PLCZ1: variants seen among roughly 807,000 people sequenced by gnomAD.
PLCZ1 encodes the protein phospholipase C zeta 1, also known as 1-phosphatidylinositol 4,5-bisphosphate phosphodiesterase zeta-1.
A neutral mutation model predicts 76.8 loss-of-function variants in PLCZ1; 64 were observed. The observed-to-expected ratio is 0.83, with a 90% confidence interval of 0.68 to 1.03. The LOEUF is 1.03. Ranked by LOEUF, PLCZ1 falls within the 50% of genes least tolerant of loss-of-function variation. PLCZ1 has a pLI of 0.00. For synonymous variants in PLCZ1, 248 were observed against 230.8 expected, an observed-to-expected ratio of 1.07 and a Z score of -0.68; for missense variants, 751 against 713.7, an observed-to-expected ratio of 1.05 and a Z score of -0.60.
intron 4 of PLCZ1, among the ~76,000 whole-genome samples, chr12:18,722,675 T>C (rs866020489): frequency 6.6e-6 from 1 of 152,048 alleles, no homozygotes; most frequent in Non-Finnish European, 1.5e-5. Flanking sequence ...GTGAAGTGTT[T>C]TTACCCATTG....
In PLCZ1 at chr12:18,700,512, C is replaced by CAAAAAAAAAAAAAAAAAAAAAAA. The variant is rs11324526; in HGVS notation, c.1018-585_1018-563dup. On this transcript the variant is annotated intron_variant, in intron 9 of 14. Transcript: ENST00000266505. ...GCATAACCAGATCAGAGCCAACGTA[C>CAAAAAAAAAAAAAAAAAAAAAAA]AAAAAAAAAAAAAAAAAAAAAAAAT... Among the ~76,000 whole-genome samples the CAAAAAAAAAAAAAAAAAAAAAAA allele has an allele frequency of 4.4e-5, 3 of 67,896 alleles. 1 individual carries two copies. The highest frequency in any genetic ancestry group is 2.5e-4 in the Admixed American group (1 of 3,982). 44.5% of individuals were successfully genotyped at this position (67,896 alleles called of 152,430 possible).
At chr12:18,692,881 A>G in intron 12 of PLCZ1, 1 of 1,603,128 alleles carries the variant, frequency 6.2e-7, no homozygotes, top group Non-Finnish European at 8.5e-7. Flanking sequence ...ACAGTGGGGA[A>G]AAAGAAGAAG....
the PLCZ1 span, among the ~76,000 whole-genome samples, chr12:18,666,743 A>G: frequency 1.3e-5 from 2 of 152,202 alleles, no homozygotes; most frequent in Non-Finnish European, 2.9e-5. Context: ...TCACTCAACA[A>G]TAGCAGAATA....
the PLCZ1 span, among the ~76,000 whole-genome samples, chr12:18,676,711 C>A: frequency 6.6e-6 from 1 of 152,082 alleles, no homozygotes; most frequent in Non-Finnish European, 1.5e-5. Context: ...AACTTGCCTG[C>A]CCACTTAACT....
At chr12:18,687,981 C>T (rs1953420216) in intron 13 of PLCZ1, 108 bp downstream of exon 13, 3 of 1,455,354 alleles carry the variant, frequency 2.1e-6, no homozygotes, top group African/African-American at 2.8e-5. Flanking sequence ...ATGGAAAACC[C>T]TTGTCTTATG....
At chr12:18,719,790 A>C (rs1958331976) in intron 4 of PLCZ1, among the ~76,000 whole-genome samples, 158 bp from the exon 5 acceptor site, 1 of 152,152 alleles carries the variant, frequency 6.6e-6, no homozygotes, top group Admixed American at 6.6e-5. Context: ...GTTTGGAAAC[A>C]AATTTTTGTA....
rs775392782 is a variant in PLCZ1 at position 18,736,290 on chromosome 12, T to G, written c.66A>C (p.Glu22Asp). The change falls in exon 3 of 15, where the codon GAA (glutamate) becomes GAC (aspartate). Residue 22 changes from glutamate (E) to aspartate (D), a missense_variant. Transcript: ENST00000266505. ...ATTTTTCAAGTAACCTCTGAGTTTT[T>G]TCTAGGTTAATTTTTCCACCTCTGA... ...DDFRGGKINL[E>D]KTQRLLEKLD... 47 of 1,612,786 alleles carry G rather than the reference T, an allele frequency of 2.9e-5. No individual in the cohort carries two copies. Among genetic ancestry groups the G allele is most frequent in the Non-Finnish European group, 4.0e-5 (47 of 1,179,372 alleles).
intron 3 of PLCZ1, among the ~76,000 whole-genome samples, chr12:18,726,035 C>T (rs1592274589): frequency 6.6e-6 from 1 of 151,994 alleles, no homozygotes; most frequent in African/African-American, 2.4e-5. Context: ...TCATTTGTTT[C>T]TTGTATCCTC....
chr12:18,726,928 C>T (rs1958782591), intron 3 of PLCZ1, among the ~76,000 whole-genome samples: 1 of 152,038 alleles, frequency 6.6e-6, no homozygotes, highest in African/African-American at 2.4e-5. Context: ...TTCCTCCTTA[C>T]CAAATATATG....
the PLCZ1 span, among the ~76,000 whole-genome samples, chr12:18,676,563 G>A: frequency 6.6e-6 from 1 of 151,990 alleles, no homozygotes; most frequent in African/African-American, 2.4e-5. Flanking sequence ...TTATAGTTAG[G>A]TGTCTAAGAA....
chr12:18,664,078 CA>C, the PLCZ1 span, among the ~76,000 whole-genome samples: 1 of 152,104 alleles, frequency 6.6e-6, no homozygotes, highest in Non-Finnish European at 1.5e-5. Flanking sequence ...TGGCTACTAT[CA>C]AAAACCAAAC....
chr12:18,696,316 A>C, intron 10 of PLCZ1, 50 bp from the exon 11 acceptor site: 9 of 487,464 alleles, frequency 1.8e-5, no homozygotes, highest in East Asian at 1.0e-4. Context: ...TAAATTTAAA[A>C]AGCCACTATA....
At chr12:18,684,808 G>C (rs530898855) in intron 13 of PLCZ1, among the ~76,000 whole-genome samples, 3 of 151,966 alleles carry the variant, frequency 2.0e-5, no homozygotes, top group Non-Finnish European at 4.4e-5. Context: ...TAATCCCCAG[G>C]TGTTTAGGAA....
At chr12:18,690,255 C>T (rs1323115903) in intron 12 of PLCZ1, among the ~76,000 whole-genome samples, 27 of 152,044 alleles carry the variant, frequency 1.8e-4, no homozygotes, top group Admixed American at 1.8e-3. Flanking sequence ...CGAACTTTGG[C>T]TCTTGCTACC....
intron 6 of PLCZ1, among the ~76,000 whole-genome samples, chr12:18,705,911 A>C (rs1449703092): frequency 1.3e-5 from 2 of 150,402 alleles, no homozygotes; most frequent in Admixed American, 6.7e-5. Flanking sequence ...ATATCCATAT[A>C]AAGGAATGAT....
the PLCZ1 span, among the ~76,000 whole-genome samples, chr12:18,672,398 A>C: frequency 6.6e-6 from 1 of 152,158 alleles, no homozygotes; most frequent in African/African-American, 2.4e-5. Context: ...TGCTCATTTA[A>C]TGTGTGATCT....
At chr12:18,685,121 T>C (rs557460058) in intron 13 of PLCZ1, among the ~76,000 whole-genome samples, 1 of 152,064 alleles carries the variant, frequency 6.6e-6, no homozygotes, top group East Asian at 1.9e-4. Flanking sequence ...AGTCTTATTA[T>C]GGGAAGAGTT....
At chr12:18,691,359 G>A (rs1954053188) in intron 12 of PLCZ1, among the ~76,000 whole-genome samples, 1 of 152,106 alleles carries the variant, frequency 6.6e-6, no homozygotes. Context: ...AGGATGCTCA[G>A]TGAGCTAAAA....
At chr12:18,695,439 T>C (rs1954823957) in intron 11 of PLCZ1, among the ~76,000 whole-genome samples, 1 of 152,110 alleles carries the variant, frequency 6.6e-6, no homozygotes, top group Non-Finnish European at 1.5e-5. Flanking sequence ...ACATCAACTA[T>C]GTCATAAATT....
Sources: gnomAD v4.1 joint callset for allele counts (sites outside exome capture counted in the v4.1 genomes callset) on GRCh38, gnomAD v4.1.1 for gene constraint, MANE v1.5 for transcripts, NCBI Gene and HGNC (gene_info 2026-07-23, HGNC 2026-07-21) for gene names.